Variants in PDE4B observed in about 807,000 individuals in gnomAD.
PDE4B encodes 3',5'-cyclic-AMP phosphodiesterase 4B.
Under a neutral mutation model 82.2 loss-of-function variants are expected in PDE4B, and 20 were observed. The ratio of observed to expected loss-of-function variants is 0.24; its 90% CI spans 0.17 to 0.35. The LOEUF is 0.35. Among genes scored for constraint, PDE4B ranks in the 10% least tolerant of loss-of-function variants. PDE4B has a pLI of 1.00. For missense variants in PDE4B, 655 were observed against 907.2 expected (o/e 0.72, Z 3.57); for synonymous variants, 320 against 318.9 (o/e 1.00, Z -0.04).
At chr1:66,249,092 G>A (rs1276518600) in intron 4 of PDE4B, among the ~76,000 whole-genome samples, 1 of 152,204 alleles carries the variant, frequency 6.6e-6, no homozygotes, top group African/African-American at 2.4e-5. Context: ...GAAAACAAAT[G>A]ACTGCAGAGT....
intron 3 of PDE4B, among the ~76,000 whole-genome samples, chr1:66,216,372 T>C (rs2101590696): frequency 6.7e-6 from 1 of 149,108 alleles, no homozygotes; most frequent in Admixed American, 6.7e-5. Flanking sequence ...AAGAAAGCAA[T>C]TCAAAAAATA....
At chr1:66,338,997 C>T (rs1408266017) in intron 8 of PDE4B, among the ~76,000 whole-genome samples, 13 of 133,162 alleles carry the variant, frequency 9.8e-5, no homozygotes, top group African/African-American at 3.9e-4. Flanking sequence ...CCAGCCTGGG[C>T]GACAGAGCGA....
At chr1:66,122,107 T>C (rs1645721140) in intron 3 of PDE4B, among the ~76,000 whole-genome samples, 1 of 152,206 alleles carries the variant, frequency 6.6e-6, no homozygotes, top group Admixed American at 6.5e-5. Context: ...GCCGAGGCTA[T>C]AATCCTAGGC....
intron 3 of PDE4B, among the ~76,000 whole-genome samples, chr1:65,971,507 T>A (rs141404964): frequency 4.4e-4 from 67 of 152,248 alleles, no homozygotes; most frequent in African/African-American, 1.6e-3. Context: ...AAGGGAATCA[T>A]TTCATGAAGC....
chr1:66,123,458 G>C (rs1222700518), intron 3 of PDE4B, among the ~76,000 whole-genome samples: 1 of 152,064 alleles, frequency 6.6e-6, no homozygotes, highest in Non-Finnish European at 1.5e-5. Context: ...ATATAGGTGG[G>C]AGTGGAGAAT....
intron 3 of PDE4B, among the ~76,000 whole-genome samples, chr1:66,151,121 C>G (rs568700542): frequency 1.3e-5 from 2 of 152,236 alleles, no homozygotes; most frequent in Non-Finnish European, 2.9e-5. Context: ...TGCGTTACTT[C>G]TTTAAATGTT....
At chr1:66,197,645 C>A (rs1208601399) in intron 3 of PDE4B, among the ~76,000 whole-genome samples, 1 of 152,080 alleles carries the variant, frequency 6.6e-6, no homozygotes, top group Non-Finnish European at 1.5e-5. Flanking sequence ...GTAGTGGTTT[C>A]TTCAAAATCC....
intron 3 of PDE4B, among the ~76,000 whole-genome samples, chr1:66,223,010 CATT>C (rs994676894): frequency 3.9e-5 from 6 of 152,116 alleles, no homozygotes; most frequent in Non-Finnish European, 8.8e-5. Context: ...GATAGTTCCT[CATT>C]ATTATTTTTT....
intron 3 of PDE4B, among the ~76,000 whole-genome samples, chr1:66,198,800 C>T (rs143511425): frequency 2.5e-3 from 377 of 151,780 alleles, no homozygotes; most frequent in African/African-American, 8.7e-3. Context: ...GTGATGTTGC[C>T]CTTCCTGTGT....
intron 3 of PDE4B, among the ~76,000 whole-genome samples, chr1:66,222,273 C>G (rs1465157167): frequency 6.6e-6 from 1 of 152,204 alleles, no homozygotes; most frequent in East Asian, 1.9e-4. Flanking sequence ...GCTTATATTT[C>G]ATTGGCCAGG....
At chr1:66,210,595 C>CAAAA (rs35825766) in intron 3 of PDE4B, among the ~76,000 whole-genome samples, 28 of 45,814 alleles carry the variant, frequency 6.1e-4, no homozygotes, top group South Asian at 5.3e-3. Context: ...GACTCCATCT[C>CAAAA]AAAAAAAAAA....
intron 1 of PDE4B, among the ~76,000 whole-genome samples, chr1:65,908,593 A>G (rs1647053182): frequency 6.6e-6 from 1 of 152,142 alleles, no homozygotes; most frequent in East Asian, 1.9e-4. Context: ...TGTGACAAGG[A>G]TGCTTGAGCT....
chr1:66,062,133 A>T (rs1458031919), intron 3 of PDE4B, among the ~76,000 whole-genome samples: 1 of 152,084 alleles, frequency 6.6e-6, no homozygotes, highest in Non-Finnish European at 1.5e-5. Flanking sequence ...AACATTGCTG[A>T]TATTCTATAT....
intron 3 of PDE4B, among the ~76,000 whole-genome samples, chr1:66,192,686 T>C (rs1647929193): frequency 6.6e-6 from 1 of 152,314 alleles, no homozygotes; most frequent in South Asian, 2.1e-4. Context: ...CGGGGAAAAC[T>C]TTTATTGTCC....
intron 3 of PDE4B, among the ~76,000 whole-genome samples, chr1:65,966,668 CA>C (rs1649852368): frequency 6.6e-6 from 1 of 152,000 alleles, no homozygotes; most frequent in Non-Finnish European, 1.5e-5. Context: ...TTACAGTAAC[CA>C]AAACAGCATG....
chr1:66,021,047 T>A (rs1020351923), intron 3 of PDE4B, among the ~76,000 whole-genome samples: 3 of 152,242 alleles, frequency 2.0e-5, no homozygotes, highest in African/African-American at 7.2e-5. Context: ...GGTTTTGATT[T>A]GCATTTCTCT....
chr1:66,365,145 G>A (rs539722089), intron 12 of PDE4B, among the ~76,000 whole-genome samples: 105 of 152,154 alleles, frequency 6.9e-4, no homozygotes, highest in Non-Finnish European at 1.2e-3. Flanking sequence ...TAGTGGGTAC[G>A]TACTGAATGA....
At chr1:66,080,403 A>G (rs1433952949) in intron 3 of PDE4B, among the ~76,000 whole-genome samples, 1 of 152,198 alleles carries the variant, frequency 6.6e-6, no homozygotes, top group African/African-American at 2.4e-5. Flanking sequence ...GTGAAAAGAT[A>G]CTGCTTTATA....
rs1646183244 is a variant in PDE4B at position 65,839,555 on chromosome 1, T to C, written c.-71+46307T>C. On this transcript the variant is annotated intron_variant, in intron 1 of 16. Transcript: ENST00000341517. ...TGTTCTTGTGTTAGTTTGCTGAGAATGATGGTTTCCAGTTTCATCCGTGTC... is the reference window on the plus strand; with the variant it reads ...TGTTCTTGTGTTAGTTTGCTGAGAACGATGGTTTCCAGTTTCATCCGTGTC... 1.3e-5 allele frequency among the ~76,000 whole-genome samples: 2 copies of C among 152,168 alleles called. 1 individual carries two copies. The highest frequency in any genetic ancestry group is 4.1e-4 in the South Asian group (2 of 4,822).
Sources: allele counts gnomAD v4.1 joint callset (sites outside exome capture counted in the v4.1 genomes callset), GRCh38; gene constraint gnomAD v4.1.1; transcripts MANE v1.5; gene names NCBI Gene and HGNC (gene_info 2026-07-23, HGNC 2026-07-21).